The following SLC39A11 variants were observed in gnomAD, a reference collection of about 807,000 sequenced individuals.
The protein encoded by SLC39A11 is zinc transporter ZIP11.
Under a neutral mutation model 36.1 loss-of-function variants are expected in SLC39A11, and 33 were observed. That is an observed-to-expected ratio of 0.91 (90% CI 0.69 to 1.22). SLC39A11 has a LOEUF of 1.22. Ranked by LOEUF, SLC39A11 falls within the 50% of genes most tolerant of loss-of-function variation. The pLI is 0.00. For missense variants in SLC39A11, 432 were observed against 430.3 expected (o/e 1.00, Z -0.03); for synonymous variants, 166 against 170.3 (o/e 0.97, Z 0.20).
At chr17:72,932,292 T>TTTATTATTATTA (rs544893367) in intron 5 of SLC39A11, among the ~76,000 whole-genome samples, 79 of 144,466 alleles carry the variant, frequency 5.5e-4, no homozygotes, top group African/African-American at 1.3e-3. Context: ...GACCTGTTCT[T>TTTATTATTATTA]TTATTATTAT....
At chr17:72,809,199 T>TCTCTCTCTCTCTCTCTC (rs2077356291) in intron 6 of SLC39A11, among the ~76,000 whole-genome samples, 4 of 102,202 alleles carry the variant, frequency 3.9e-5, no homozygotes, top group Non-Finnish European at 1.0e-4. Context: ...TTTCTTTTCT[T>TCTCTCTCTCTCTCTCTC]TCTCTCTCTC....
At chr17:72,677,480 G>C (rs1340618548) in intron 7 of SLC39A11, among the ~76,000 whole-genome samples, 2 of 152,206 alleles carry the variant, frequency 1.3e-5, no homozygotes, top group Non-Finnish European at 2.9e-5. Flanking sequence ...AAGAGGGTGG[G>C]AGAATCTCAA....
chr17:72,800,147 C>A (rs905474340), intron 6 of SLC39A11, among the ~76,000 whole-genome samples: 1 of 152,048 alleles, frequency 6.6e-6, no homozygotes, highest in East Asian at 1.9e-4. Flanking sequence ...AGCACAGACA[C>A]ATGCAAGAGG....
At chr17:72,748,672 T>C (rs919979622) in intron 6 of SLC39A11, among the ~76,000 whole-genome samples, 9 of 152,222 alleles carry the variant, frequency 5.9e-5, no homozygotes, top group African/African-American at 2.2e-4. Context: ...TCGGAGTCAA[T>C]TTCAATTTGC....
At chr17:73,010,959 T>G (rs1288337866) in intron 4 of SLC39A11, among the ~76,000 whole-genome samples, 1 of 152,206 alleles carries the variant, frequency 6.6e-6, no homozygotes, top group Middle Eastern at 3.2e-3. Flanking sequence ...ATTCTTTCAT[T>G]GATTCATTCA....
chr17:72,907,932 G>C (rs1370611303), intron 5 of SLC39A11, among the ~76,000 whole-genome samples: 1 of 152,200 alleles, frequency 6.6e-6, no homozygotes, highest in Non-Finnish European at 1.5e-5. Flanking sequence ...CGTGGGAAGG[G>C]GTAGAGTGTG....
In SLC39A11 at chr17:72,878,112, T is replaced by A. The variant is rs1474057017; in HGVS notation, c.431-28308A>T. The stretch of plus-strand genomic sequence containing the variant: ...GCGATAGTTTGCTGAGAATGATGGT[T>A]TCCAGCTTCATCCATGTCCCTACAA... On this transcript the variant is annotated intron_variant, in intron 5 of 9. Coordinates refer to ENST00000255559, the MANE Select transcript of SLC39A11 (RefSeq NM_139177.4). Among the ~76,000 whole-genome samples the A allele has an allele frequency of 2.0e-5, 3 of 151,988 alleles. No homozygotes were observed. In the East Asian group the frequency reaches 5.8e-4, roughly 29 times the overall value.
At chr17:72,689,790 G>A (rs1201837965) in intron 7 of SLC39A11, among the ~76,000 whole-genome samples, 1 of 152,210 alleles carries the variant, frequency 6.6e-6, no homozygotes, top group Non-Finnish European at 1.5e-5. Context: ...AAGGCTGTGG[G>A]GGGAGGGAGA....
chr17:72,810,315 T>A (rs2077394571), intron 6 of SLC39A11, among the ~76,000 whole-genome samples: 1 of 152,210 alleles, frequency 6.6e-6, no homozygotes, highest in Admixed American at 6.5e-5. Context: ...ATTGTGGTTT[T>A]TCTCCTAATA....
chr17:72,743,193 T>A (rs189313082), intron 6 of SLC39A11, among the ~76,000 whole-genome samples: 4 of 152,060 alleles, frequency 2.6e-5, no homozygotes, highest in East Asian at 1.9e-4. Context: ...GTGACCCAGC[T>A]GGGGGGGCTA....
chr17:72,698,955 C>T lies in SLC39A11; in HGVS notation c.671+37695G>A, dbSNP rs541509344. On this transcript the variant is annotated intron_variant, in intron 7 of 9. Transcript: ENST00000255559. Reference sequence around the variant, plus strand: ...ACGCCATTCTCCTGCCTCAGCCTCCCGAGTAGCTGGGACTACAGGCGCCCG... The same window carrying T: ...ACGCCATTCTCCTGCCTCAGCCTCCTGAGTAGCTGGGACTACAGGCGCCCG... 5.6e-3 allele frequency among the ~76,000 whole-genome samples: 847 copies of T among 152,232 alleles called. 7 individuals are homozygous for T. Among genetic ancestry groups the T allele is most frequent in the African/African-American group, 0.018 (756 of 41,520 alleles).
intron 5 of SLC39A11, among the ~76,000 whole-genome samples, chr17:72,925,001 CAAAA>C (rs933053304): frequency 7.3e-5 from 5 of 68,944 alleles, no homozygotes; most frequent in African/African-American, 2.1e-4. Flanking sequence ...GACTCCATTT[CAAAA>C]AAAAAAAAAA....
chr17:73,030,074 C>G (rs974807238), intron 4 of SLC39A11, among the ~76,000 whole-genome samples: 4 of 152,220 alleles, frequency 2.6e-5, no homozygotes, highest in African/African-American at 9.6e-5. Context: ...AAGGAGCACG[C>G]AGCCTGGATC....
intron 4 of SLC39A11, among the ~76,000 whole-genome samples, chr17:73,016,159 T>C (rs147469664): frequency 1.9e-3 from 291 of 152,182 alleles, no homozygotes; most frequent in African/African-American, 6.4e-3. Flanking sequence ...GATATGACAA[T>C]ATGTCCAGTT....
intron 6 of SLC39A11, among the ~76,000 whole-genome samples, chr17:72,798,593 C>G (rs2076979447): frequency 6.6e-6 from 1 of 151,770 alleles, no homozygotes; most frequent in African/African-American, 2.4e-5. Context: ...CCACGTTGGT[C>G]AGGCTGGTCT....
chr17:72,924,277 T>C lies in SLC39A11; in HGVS notation c.430+23475A>G, dbSNP rs1487136723. 8.0e-5 allele frequency among the ~76,000 whole-genome samples: 12 copies of C among 150,450 alleles called. No homozygotes were observed. In the South Asian group the frequency reaches 2.5e-3, roughly 32 times the overall value. ...AAGACACCCCCACCTCGCCCTACCC[T>C]AACCCTAGTAAATCCTTTTAGTTGA... is the stretch of plus-strand genomic sequence containing the variant. On this transcript the variant is annotated intron_variant, in intron 5 of 9. Coordinates refer to ENST00000255559, the MANE Select transcript of SLC39A11 (RefSeq NM_139177.4).
intron 7 of SLC39A11, among the ~76,000 whole-genome samples, chr17:72,711,352 G>C (rs909028124): frequency 2.6e-5 from 4 of 152,132 alleles, no homozygotes; most frequent in African/African-American, 9.7e-5. Flanking sequence ...GTCCTTAAAG[G>C]GGGGAAGTGT....
chr17:73,016,833 C>G (rs2058185666), intron 4 of SLC39A11, among the ~76,000 whole-genome samples: 1 of 152,212 alleles, frequency 6.6e-6, no homozygotes, highest in South Asian at 2.1e-4. Flanking sequence ...CAGCCAGTGT[C>G]CTGGCTCTCT....
At chr17:72,842,685 AC>A (rs947696065) in intron 6 of SLC39A11, among the ~76,000 whole-genome samples, 3 of 152,160 alleles carry the variant, frequency 2.0e-5, no homozygotes, top group African/African-American at 7.2e-5. Flanking sequence ...TTTCTAAAAA[AC>A]CATGTTGTTT....
Sources: allele counts gnomAD v4.1 joint callset (sites outside exome capture counted in the v4.1 genomes callset), GRCh38; gene constraint gnomAD v4.1.1; transcripts MANE v1.5; gene names NCBI Gene and HGNC (gene_info 2026-07-23, HGNC 2026-07-21).